Variants in PLA2G2D observed in about 807,000 individuals in gnomAD.
PLA2G2D encodes the protein group IID secretory phospholipase A2.
A neutral mutation model predicts 13.9 loss-of-function variants in PLA2G2D; 17 were observed. The ratio of observed to expected loss-of-function variants is 1.23; its 90% CI spans 0.84 to 1.84. The LOEUF (loss-of-function observed/expected upper bound fraction) is 1.84, where lower values mean the gene tolerates loss of function less well. Ranked by LOEUF, PLA2G2D falls within the 40% of genes most tolerant of loss-of-function variation. PLA2G2D has a pLI of 0.00. For missense variants in PLA2G2D, 194 were observed against 178.7 expected, an observed-to-expected ratio of 1.09 and a Z score of -0.49; for synonymous variants, 83 against 69.3, an observed-to-expected ratio of 1.20 and a Z score of -0.98.
At chr1:20,118,496 C>G (rs2017030933) in intron 1 of PLA2G2D, among the ~76,000 whole-genome samples, 1 of 152,142 alleles carries the variant, frequency 6.6e-6, no homozygotes, top group Non-Finnish European at 1.5e-5. Flanking sequence ...AGGGGTGAAG[C>G]TCCTTCTCCC....
In PLA2G2D at chr1:20,114,021, G is replaced by A. The variant is rs138526396; in HGVS notation, c.*93C>T. 2.3e-4 allele frequency: 277 copies of A among 1,195,836 alleles called. 1 individual carries two copies. In the African/African-American group the frequency reaches 3.5e-3, roughly 15 times the overall value. The allele number at this position is 1,195,836 out of a possible 1,614,324, so 74.1% of individuals were successfully genotyped here. A position where few individuals can be genotyped will look rare whatever the true frequency, so the allele number is the denominator to read the frequency against. On this transcript the variant is annotated 3_prime_UTR_variant, in exon 4 of 4. Coordinates refer to ENST00000375105, the MANE Select transcript of PLA2G2D (RefSeq NM_012400.4). ...GGGGAGGCTGGGACTACCTCCCCCCGGAGTGTTTGAAAAGCCAGGCTGGTT... is the reference window on the plus strand; with the variant it reads ...GGGGAGGCTGGGACTACCTCCCCCCAGAGTGTTTGAAAAGCCAGGCTGGTT...
At position 20,112,345 on chromosome 1, in the gene PLA2G2D, C is replaced by T. The variant is rs1287609973; in HGVS notation, c.*1769G>A. 2 of 152,242 alleles carry T rather than the reference C, an allele frequency of 1.3e-5. No individual in the cohort carries two copies. The highest frequency in any genetic ancestry group is 4.8e-5 in the African/African-American group (2 of 41,454). 9.4% of individuals were successfully genotyped at this position (152,242 alleles called of 1,614,324 possible). On this transcript the variant is annotated 3_prime_UTR_variant, in exon 4 of 4. Coordinates refer to ENST00000375105, the MANE Select transcript of PLA2G2D (RefSeq NM_012400.4). Reference sequence around the variant, plus strand: ...TGGAGATTTCCCTACCCTGTTCCCCCACACAGGCACAGCTGCCCCCATGGG... The same window carrying T: ...TGGAGATTTCCCTACCCTGTTCCCCTACACAGGCACAGCTGCCCCCATGGG...
In PLA2G2D at chr1:20,114,018, C is replaced by T. The variant is rs963533840; in HGVS notation, c.*96G>A. On this transcript the variant is annotated 3_prime_UTR_variant, in exon 4 of 4. Coordinates refer to ENST00000375105, the MANE Select transcript of PLA2G2D (RefSeq NM_012400.4). ...CCGGGGGAGGCTGGGACTACCTCCC[C>T]CCGGAGTGTTTGAAAAGCCAGGCTG... is the stretch of plus-strand genomic sequence containing the variant. 2 of 1,175,988 alleles carry T rather than the reference C, an allele frequency of 1.7e-6. No individual in the cohort carries two copies. The highest frequency in any genetic ancestry group is 2.1e-5 in the Admixed American group (1 of 47,364). 72.8% of individuals were successfully genotyped at this position (1,175,988 alleles called of 1,614,324 possible). A position where few individuals can be genotyped will look rare whatever the true frequency, so the allele number is the denominator to read the frequency against.
In PLA2G2D at chr1:20,115,512, T is replaced by C. The variant is rs62541892; in HGVS notation, c.287A>G (p.His96Arg). 9.6e-4 allele frequency: 1,512 copies of C among 1,578,960 alleles called. 9 individuals carry two copies. In the African/African-American group the frequency reaches 0.014, roughly 15 times the overall value. Reference protein sequence around the residue: ...YRYNFSQGNIHCSDKGSWCEQ... With the variant: ...YRYNFSQGNIRCSDKGSWCEQ... ...CCTGAGGTCTGCGTACTCACAGCAG[T>C]GGATGTTCCCCTGGGAAAAGTTGTA... Residue 96 changes from histidine to arginine, a missense_variant, in exon 3 of 4, where the codon CAC becomes CGC. Transcript: ENST00000375105.
intron 1 of PLA2G2D, among the ~76,000 whole-genome samples, chr1:20,118,165 C>T (rs1193221922): frequency 6.6e-6 from 1 of 152,088 alleles, no homozygotes; most frequent in African/African-American, 2.4e-5. Context: ...CAACCAGAGC[C>T]CCGCGTTCAG....
In PLA2G2D at chr1:20,119,448, C is replaced by T. The variant is rs2017049532; in HGVS notation, c.40+11G>A. On this transcript the variant is annotated intron_variant, in intron 1 of 3. Transcript: ENST00000375105. The stretch of plus-strand genomic sequence containing the variant: ...CTTCCCTTCCCAGCCTGGGTCCCGT[C>T]CCCGACTCACCAGCCATCACCACCA... The T allele has an allele frequency of 6.2e-7, 1 of 1,612,532 alleles. No individual in the cohort carries two copies. Among genetic ancestry groups the T allele is most frequent in the Non-Finnish European group, 8.5e-7 (1 of 1,178,660 alleles).
chr1:20,118,906 A>C (rs1018280825), intron 1 of PLA2G2D, among the ~76,000 whole-genome samples: 1 of 152,222 alleles, frequency 6.6e-6, no homozygotes, highest in African/African-American at 2.4e-5. Context: ...TACATTTTAA[A>C]ATGCAAGTCT....
At chr1:20,114,318 G>A in intron 3 of PLA2G2D, 59 bp from the exon 4 acceptor site, 3 of 1,536,546 alleles carry the variant, frequency 2.0e-6, no homozygotes, top group South Asian at 2.4e-5. Flanking sequence ...AGGCAGGTAT[G>A]AGTCTAGCAG....
At position 20,116,386 on chromosome 1, in the gene PLA2G2D, G is replaced by A. The variant is rs148280789; in HGVS notation, c.132C>T (p.Tyr44=). 4.8e-5 allele frequency: 78 copies of A among 1,614,020 alleles called. No homozygotes were observed. Among genetic ancestry groups the A allele is most frequent in the African/African-American group, 3.3e-4 (25 of 74,936 alleles). Residue 44 remains tyrosine, a synonymous_variant, in exon 2 of 4, where the codon TAC becomes TAT. Transcript: ENST00000375105. ...GKMPILSYWP[Y]GCHCGLGGRG... ...TGCCACCTAGTCCGCAGTGACAGCC[G>A]TAGGGCCAGTAGGAGAGGATGGGCA...
At chr1:20,115,695 G>C in intron 2 of PLA2G2D, 82 bp from the exon 3 acceptor site, 1 of 867,798 alleles carries the variant, frequency 1.2e-6, no homozygotes, top group Non-Finnish European at 2.0e-6. Flanking sequence ...AGAAGAACCC[G>C]TGTCCCCACC....
chr1:20,114,462 T>C (rs1292754551), intron 3 of PLA2G2D, among the ~76,000 whole-genome samples: 2 of 152,168 alleles, frequency 1.3e-5, no homozygotes, highest in Non-Finnish European at 2.9e-5. Flanking sequence ...TATTCACCCA[T>C]TCATTAAACA....
rs2016993729 is a variant in PLA2G2D, at chr1:20,116,488, G to GCC, written c.41-13_41-12dup. Reference sequence around the variant, plus strand: ...GGATTGGAATCACACCTGCCAAGCAGCCCAGCAACCAGGAGAGAAGAGGAG... The same window carrying GCC: ...GGATTGGAATCACACCTGCCAAGCAGCCCCCAGCAACCAGGAGAGAAGAGGAG... On this transcript the variant is annotated splice_polypyrimidine_tract_variant and intron_variant, in intron 1 of 3. Transcript: ENST00000375105. The GCC allele has an allele frequency of 6.2e-7, 1 of 1,613,956 alleles. No individual in the cohort carries two copies. Among genetic ancestry groups the GCC allele is most frequent in the Non-Finnish European group, 8.5e-7 (1 of 1,179,966 alleles).
In PLA2G2D at chr1:20,113,088, T is replaced by C. The variant is rs1267224351; in HGVS notation, c.*1026A>G. 1 of 152,300 alleles carries C rather than the reference T, an allele frequency of 6.6e-6. No individual in the cohort carries two copies. Among genetic ancestry groups the C allele is most frequent in the Non-Finnish European group, 1.5e-5 (1 of 68,098 alleles). 9.4% of individuals were successfully genotyped at this position (152,300 alleles called of 1,614,324 possible). A position where few individuals can be genotyped will look rare whatever the true frequency, so the allele number is the denominator to read the frequency against. ...CAACCTCTGTGTATCCATTATGGGC[T>C]CACGCCATTCACAGGCATGAATTGA... On this transcript the variant is annotated 3_prime_UTR_variant, in exon 4 of 4. Transcript: ENST00000375105.
Position 20,115,565 on chromosome 1 carries a change from C to A in PLA2G2D, c.234G>T (p.Gly78=). ...DCCYDHLKTQ[G]CSIYKDYYRY... is the part of the protein sequence containing the mutation. ...TGTAATAGTCCTTGTAGATGCTGCA[C>A]CCCTGGGTCTTCAGGTGGTCATAGC... Residue 78 remains glycine (G), a synonymous_variant, in exon 3 of 4, where the codon GGG becomes GGT. Transcript: ENST00000375105. 6.2e-7 allele frequency: 1 copy of A among 1,613,028 alleles called. No homozygotes were observed. Among genetic ancestry groups the A allele is most frequent in the Non-Finnish European group, 8.5e-7 (1 of 1,179,028 alleles).
chr1:20,115,532 G>C lies in PLA2G2D; in HGVS notation c.267C>G (p.Asn89Lys). The stretch of plus-strand genomic sequence containing the variant: ...AGCAGTGGATGTTCCCCTGGGAAAA[G>C]TTGTATCTGTAATAGTCCTTGTAGA... ...CSIYKDYYRY[N>K]FSQGNIHCSD... Residue 89 changes from asparagine (N) to lysine (K), a missense_variant, in exon 3 of 4, where the codon AAC becomes AAG. Transcript: ENST00000375105. 6.2e-7 allele frequency: 1 copy of C among 1,607,704 alleles called. No homozygotes were observed. Among genetic ancestry groups the C allele is most frequent in the Non-Finnish European group, 8.5e-7 (1 of 1,174,248 alleles).
chr1:20,114,003 C>T lies in PLA2G2D; in HGVS notation c.*111G>A. Reference sequence around the variant, plus strand: ...CATTGGTAGAGGGTTCCGGGGGAGGCTGGGACTACCTCCCCCCGGAGTGTT... The same window carrying T: ...CATTGGTAGAGGGTTCCGGGGGAGGTTGGGACTACCTCCCCCCGGAGTGTT... On this transcript the variant is annotated 3_prime_UTR_variant, in exon 4 of 4. Transcript: ENST00000375105. The T allele has an allele frequency of 3.1e-6, 3 of 956,754 alleles. No homozygotes were observed. Among genetic ancestry groups the T allele is most frequent in the Non-Finnish European group, 4.7e-6 (3 of 633,844 alleles). 59.3% of individuals were successfully genotyped at this position (956,754 alleles called of 1,614,324 possible).
In PLA2G2D at chr1:20,115,492, G is replaced by T; in HGVS notation, c.292+15C>A. 2 of 1,433,852 alleles carry T rather than the reference G, an allele frequency of 1.4e-6. No individual in the cohort carries two copies. Among genetic ancestry groups the T allele is most frequent in the Non-Finnish European group, 9.8e-7 (1 of 1,017,002 alleles). 88.8% of individuals were successfully genotyped at this position (1,433,852 alleles called of 1,614,324 possible). A position where few individuals can be genotyped will look rare whatever the true frequency, so the allele number is the denominator to read the frequency against. On this transcript the variant is annotated intron_variant, in intron 3 of 3. Coordinates refer to ENST00000375105, the MANE Select transcript of PLA2G2D (RefSeq NM_012400.4). ...CTGGGGTCTCCAGCTCCTGCCCTGA[G>T]GTCTGCGTACTCACAGCAGTGGATG... is the stretch of plus-strand genomic sequence containing the variant.
At chr1:20,118,435 T>G (rs1569873613) in intron 1 of PLA2G2D, among the ~76,000 whole-genome samples, 1 of 152,154 alleles carries the variant, frequency 6.6e-6, no homozygotes, top group East Asian at 1.9e-4. Flanking sequence ...TGGCTTAGCT[T>G]GTCAGCCGTT....
Position 20,114,244 on chromosome 1 carries a change from C to T in PLA2G2D, c.308G>A (p.Trp103Ter). The T allele has an allele frequency of 6.2e-7, 1 of 1,613,670 alleles. No homozygotes were observed. The highest frequency in any genetic ancestry group is 8.5e-7 in the Non-Finnish European group (1 of 1,179,710). The change falls in exon 4 of 4, where the codon TGG becomes TAG. Residue 103 changes from tryptophan to a stop codon, truncating the protein, a stop_gained. Coordinates refer to ENST00000375105, the MANE Select transcript of PLA2G2D (RefSeq NM_012400.4). LOFTEE classifies it low-confidence loss of function (END_TRUNC). ...ACAGGCACACAGCTGCTGCTCACACCAGCTTCCCTTGTCAGCTGTGGACGG... is the reference window on the plus strand; with the variant it reads ...ACAGGCACACAGCTGCTGCTCACACTAGCTTCCCTTGTCAGCTGTGGACGG... ...GNIHCSDKGS[W>*]CEQQLCACDK...
Sources: allele counts gnomAD v4.1 joint callset (sites outside exome capture counted in the v4.1 genomes callset), GRCh38; gene constraint gnomAD v4.1.1; transcripts MANE v1.5; gene names NCBI Gene and HGNC (gene_info 2026-07-23, HGNC 2026-07-21).